The following DCDC1 variants were observed in gnomAD, a reference collection of about 807,000 sequenced individuals.
DCDC1 encodes doublecortin domain containing 1.
Under a neutral mutation model 178.3 loss-of-function variants are expected in DCDC1, and 200 were observed. That is an observed-to-expected ratio of 1.12 (90% CI 1.00 to 1.26). The LOEUF is 1.26. Among genes scored for constraint, DCDC1 ranks in the 50% most tolerant of loss-of-function variants. The pLI is 0.00. For missense variants in DCDC1, 1,983 were observed against 1,749.2 expected (o/e 1.13, Z -2.38); for synonymous variants, 690 against 604.8 (o/e 1.14, Z -2.07).
intron 38 of DCDC1, among the ~76,000 whole-genome samples, chr11:30,874,517 G>C (rs1445261024): frequency 6.6e-6 from 1 of 152,182 alleles, no homozygotes; most frequent in African/African-American, 2.4e-5. Context: ...GAGGAAGAGG[G>C]AGGAGGGAAG....
chr11:31,093,334 C>T (rs919683016), intron 16 of DCDC1, among the ~76,000 whole-genome samples: 2 of 152,176 alleles, frequency 1.3e-5, no homozygotes, highest in African/African-American at 4.8e-5. Flanking sequence ...TCCCAGCAAA[C>T]TTCATTGGGT....
chr11:31,344,221 G>A (rs1038996902), intron 1 of DCDC1, among the ~76,000 whole-genome samples: 3 of 152,148 alleles, frequency 2.0e-5, no homozygotes, highest in African/African-American at 7.2e-5. Context: ...TAATTTGACT[G>A]ACACTAAATA....
At chr11:31,146,142 G>A (rs551287939) in intron 9 of DCDC1, among the ~76,000 whole-genome samples, 31 of 149,210 alleles carry the variant, frequency 2.1e-4, no homozygotes, top group Admixed American at 5.4e-4. Context: ...GCACAATATC[G>A]GCTCACTGCA....
chr11:31,358,604 A>G (rs1184525541), intron 1 of DCDC1, among the ~76,000 whole-genome samples: 2 of 152,108 alleles, frequency 1.3e-5, no homozygotes, highest in African/African-American at 4.8e-5. Context: ...TCATTAAACT[A>G]AAGAGCTTCT....
chr11:30,899,489 G>T, intron 34 of DCDC1, 52 bp downstream of exon 34: 1 of 1,190,600 alleles, frequency 8.4e-7, no homozygotes, highest in Non-Finnish European at 1.1e-6. Context: ...TTAGCAATTT[G>T]GGGCTACATT....
chr11:31,181,097 G>A (rs11031305), intron 9 of DCDC1, among the ~76,000 whole-genome samples: 37,274 of 151,984 alleles, frequency 0.25, 4,648 homozygotes, highest in East Asian at 0.3. Flanking sequence ...CAAAGCCGCC[G>A]GTAAGTTAAA....
intron 29 of DCDC1, among the ~76,000 whole-genome samples, chr11:30,907,059 A>G (rs1487731860): frequency 6.6e-6 from 1 of 152,222 alleles, no homozygotes; most frequent in East Asian, 1.9e-4. Flanking sequence ...AGAAGCCATC[A>G]TCATGTCCAA....
chr11:31,367,106 G>GC (rs1288889161), intron 1 of DCDC1, among the ~76,000 whole-genome samples: 21 of 152,152 alleles, frequency 1.4e-4, no homozygotes, highest in Non-Finnish European at 2.5e-4. Flanking sequence ...GACCAGCCTG[G>GC]CCAACATGGT....
At chr11:30,912,789 A>G (rs895187317) in intron 27 of DCDC1, among the ~76,000 whole-genome samples, 2 of 152,206 alleles carry the variant, frequency 1.3e-5, no homozygotes, top group African/African-American at 2.4e-5. Flanking sequence ...CTTCAGCCAT[A>G]GGGTGATATA....
intron 9 of DCDC1, among the ~76,000 whole-genome samples, chr11:31,142,313 C>T (rs1308603192): frequency 6.6e-6 from 1 of 152,138 alleles, no homozygotes; most frequent in Non-Finnish European, 1.5e-5. Flanking sequence ...TGGTTGCCTA[C>T]CTGTCCACAA....
At chr11:31,111,783 T>C (rs939471260) in intron 11 of DCDC1, among the ~76,000 whole-genome samples, 12 of 152,168 alleles carry the variant, frequency 7.9e-5, no homozygotes, top group Admixed American at 1.3e-4. Context: ...AGGTTAGTGT[T>C]GACAAAAGCT....
chr11:31,098,490 G>T (rs1368763369), intron 15 of DCDC1, among the ~76,000 whole-genome samples: 1 of 152,170 alleles, frequency 6.6e-6, no homozygotes, highest in East Asian at 1.9e-4. Flanking sequence ...TGTAGGAAAG[G>T]TTCTACTTGT....
At chr11:30,910,869 C>A (rs77336038) in intron 28 of DCDC1, among the ~76,000 whole-genome samples, 2 of 152,166 alleles carry the variant, frequency 1.3e-5, no homozygotes, top group Non-Finnish European at 2.9e-5. Context: ...GTAGAATTAA[C>A]ATTGAGGATC....
chr11:30,872,444 T>C lies in DCDC1; in HGVS notation c.*40+6100A>G, dbSNP rs185826298. On this transcript the variant is annotated intron_variant, in intron 38 of 38. Coordinates refer to ENST00000684477, the MANE Select transcript of DCDC1 (RefSeq NM_001387274.1). ...TTGAAATGCTAATACTTTGGATATA[T>C]TGAGTTGAATAAAATATGGTATGAA... is the stretch of plus-strand genomic sequence containing the variant. Among the ~76,000 whole-genome samples, 1,428 of 152,182 alleles carry C rather than the reference T, an allele frequency of 9.4e-3. 19 individuals carry two copies. The highest frequency in any genetic ancestry group is 0.033 in the African/African-American group (1,350 of 41,464).
chr11:30,900,503 TG>T lies in DCDC1; in HGVS notation c.4511-6del. 1.3e-6 allele frequency: 2 copies of T among 1,523,988 alleles called. No individual in the cohort carries two copies. The highest frequency in any genetic ancestry group is 2.0e-5 in the Admixed American group (1 of 49,074). 94.4% of individuals were successfully genotyped at this position (1,523,988 alleles called of 1,614,324 possible). On this transcript the variant is annotated splice_region_variant and splice_polypyrimidine_tract_variant and intron_variant, in intron 32 of 38. Transcript: ENST00000684477. ...TCACTTTCATTCTTGGATTTTCTGG[TG>T]GAAAAAATGACACATTTATCATTGT...
intron 3 of DCDC1, among the ~76,000 whole-genome samples, chr11:31,323,327 A>ATT (rs1419172969): frequency 1.3e-5 from 2 of 152,208 alleles, no homozygotes; most frequent in Non-Finnish European, 2.9e-5. Flanking sequence ...GTTGCCAAGG[A>ATT]TTTGTACTTG....
intron 13 of DCDC1, among the ~76,000 whole-genome samples, chr11:31,105,242 A>G (rs1442453777): frequency 1.3e-5 from 2 of 152,008 alleles, no homozygotes; most frequent in Non-Finnish European, 2.9e-5. Flanking sequence ...ACAAATAAAT[A>G]TATGCACTGG....
At chr11:31,070,294 A>G (rs1956477132) in intron 18 of DCDC1, among the ~76,000 whole-genome samples, 1 of 152,176 alleles carries the variant, frequency 6.6e-6, no homozygotes, top group African/African-American at 2.4e-5. Flanking sequence ...TAGAAAGTCA[A>G]AAACCTAATC....
chr11:30,893,046 A>G (rs1196172468), intron 35 of DCDC1, 49 bp from the exon 36 acceptor site: 2 of 1,583,512 alleles, frequency 1.3e-6, no homozygotes, highest in African/African-American at 2.7e-5. Flanking sequence ...CTGTCTGGAT[A>G]GTGTTTGTGA....
Sources: gnomAD v4.1 joint callset for allele counts (sites outside exome capture counted in the v4.1 genomes callset) on GRCh38, gnomAD v4.1.1 for gene constraint, MANE v1.5 for transcripts, NCBI Gene and HGNC (gene_info 2026-07-23, HGNC 2026-07-21) for gene names.